CCDC178: variants seen among roughly 807,000 people sequenced by gnomAD.
The protein encoded by CCDC178 is coiled-coil domain containing 178.
In CCDC178, 126 loss-of-function variants were observed where a neutral mutation model predicts 117.4. That is an observed-to-expected ratio of 1.07 (90% CI 0.93 to 1.24). The LOEUF (loss-of-function observed/expected upper bound fraction) is 1.24, where lower values mean the gene tolerates loss of function less well. Ranked by LOEUF, CCDC178 falls within the 50% of genes most tolerant of loss-of-function variation. CCDC178 has a pLI of 0.00. For synonymous variants in CCDC178, 283 were observed against 313.4 expected (o/e 0.90, Z 1.02); for missense variants, 1,030 against 986.9 (o/e 1.04, Z -0.59).
intron 3 of CCDC178, 72 bp downstream of exon 3, chr18:33,411,959 C>A: frequency 1.3e-6 from 1 of 784,758 alleles, no homozygotes; most frequent in African/African-American, 1.8e-5. Flanking sequence ...CAGTTGCCCT[C>A]CTCTGTAAGT....
intron 5 of CCDC178, among the ~76,000 whole-genome samples, chr18:33,388,052 G>C (rs554334117): frequency 1.6e-4 from 24 of 151,998 alleles, no homozygotes; most frequent in Non-Finnish European, 1.5e-5. Context: ...AATGGGAAAA[G>C]GATATGAACA....
At chr18:33,182,554 G>T (rs186142877) in intron 20 of CCDC178, among the ~76,000 whole-genome samples, 168 of 151,982 alleles carry the variant, frequency 1.1e-3, no homozygotes, top group Admixed American at 3.4e-3. Context: ...TTGGTGCTGG[G>T]AGTTGAAATT....
At chr18:33,280,334 CAAAACACACATGAAA>C (rs1393143909) in intron 12 of CCDC178, among the ~76,000 whole-genome samples, 61 of 151,962 alleles carry the variant, frequency 4.0e-4, no homozygotes, top group African/African-American at 1.4e-3. Context: ...TTTATGCAGC[CAAAACACACATGAAA>C]AAATGCTCAT....
At chr18:33,278,074 T>C (rs557559806) in intron 12 of CCDC178, among the ~76,000 whole-genome samples, 29 of 152,102 alleles carry the variant, frequency 1.9e-4, no homozygotes, top group African/African-American at 6.5e-4. Flanking sequence ...TGCATCTAAA[T>C]GTTATTATCT....
chr18:33,204,628 G>A (rs963542399), intron 20 of CCDC178, among the ~76,000 whole-genome samples: 1 of 152,044 alleles, frequency 6.6e-6, no homozygotes, highest in African/African-American at 2.4e-5. Flanking sequence ...CATGAGTAAA[G>A]ACAACTTGGA....
chr18:33,238,852 A>G (rs114407600), intron 15 of CCDC178, among the ~76,000 whole-genome samples: 10 of 152,298 alleles, frequency 6.6e-5, no homozygotes, highest in African/African-American at 1.4e-4. Flanking sequence ...CCAAAGTCAA[A>G]GACAGAACAA....
intron 10 of CCDC178, among the ~76,000 whole-genome samples, chr18:33,326,662 T>G (rs2062588660): frequency 6.6e-6 from 1 of 152,096 alleles, no homozygotes; most frequent in Admixed American, 6.6e-5. Context: ...TGTATCTTGT[T>G]GTTTTTGGGT....
At chr18:33,291,589 TTTTACTATACTA>T (rs2060166385) in intron 12 of CCDC178, among the ~76,000 whole-genome samples, 1 of 152,152 alleles carries the variant, frequency 6.6e-6, no homozygotes, top group Non-Finnish European at 1.5e-5. Flanking sequence ...TATTATTTCC[TTTTACTATACTA>T]TTATTTATTT....
intron 2 of CCDC178, among the ~76,000 whole-genome samples, chr18:33,420,943 A>C (rs2064016323): frequency 6.6e-6 from 1 of 152,218 alleles, no homozygotes; most frequent in Non-Finnish European, 1.5e-5. Context: ...CTTAGAAAAT[A>C]TTTTGGACAA....
intron 21 of CCDC178, among the ~76,000 whole-genome samples, chr18:33,058,877 T>C (rs2056873410): frequency 6.6e-6 from 1 of 152,196 alleles, no homozygotes; most frequent in African/African-American, 2.4e-5. Flanking sequence ...ATAATTTATA[T>C]CTCACACAAT....
At chr18:33,423,628 T>C (rs536853869) in intron 2 of CCDC178, among the ~76,000 whole-genome samples, 2 of 152,302 alleles carry the variant, frequency 1.3e-5, no homozygotes, top group East Asian at 3.9e-4. Flanking sequence ...AAACACATGT[T>C]GGTGTGTGTG....
intron 8 of CCDC178, 116 bp from the exon 9 acceptor site, chr18:33,346,527 T>C (rs1040975562): frequency 1.3e-5 from 6 of 456,334 alleles, no homozygotes; most frequent in South Asian, 9.6e-5. Flanking sequence ...AAGAGAATGT[T>C]AGAAAAATGA....
chr18:33,399,764 A>T (rs542706804), intron 3 of CCDC178, among the ~76,000 whole-genome samples: 3 of 152,276 alleles, frequency 2.0e-5, no homozygotes, highest in Admixed American at 2.0e-4. Flanking sequence ...CATCCAGGAG[A>T]CTTGGAAGCA....
At chr18:33,261,162 C>T (rs186360273) in intron 14 of CCDC178, among the ~76,000 whole-genome samples, 118 of 152,164 alleles carry the variant, frequency 7.8e-4, no homozygotes, top group Non-Finnish European at 1.5e-3. Flanking sequence ...CGGCTCACTG[C>T]GAGCTCCGCC....
At chr18:33,296,489 TATACA>T (rs1208296439) in intron 11 of CCDC178, among the ~76,000 whole-genome samples, 1 of 152,138 alleles carries the variant, frequency 6.6e-6, no homozygotes, top group Non-Finnish European at 1.5e-5. Flanking sequence ...AAGTACAGTA[TATACA>T]ATACAAGATA....
chr18:33,327,201 G>A (rs111917744), intron 10 of CCDC178, among the ~76,000 whole-genome samples: 2 of 152,116 alleles, frequency 1.3e-5, no homozygotes, highest in Admixed American at 6.5e-5. Context: ...AATGAATTAC[G>A]CAATATGTGA....
intron 21 of CCDC178, 78 bp from the exon 22 acceptor site, chr18:32,974,759 G>A (rs1484738855): frequency 1.4e-6 from 2 of 1,421,574 alleles, no homozygotes; most frequent in Non-Finnish European, 1.9e-6. Context: ...GAAGAATGAT[G>A]GAGGGAAATA....
At chr18:33,137,385 C>A (rs1254400599) in intron 20 of CCDC178, among the ~76,000 whole-genome samples, 3 of 151,846 alleles carry the variant, frequency 2.0e-5, no homozygotes, top group Non-Finnish European at 4.4e-5. Flanking sequence ...AAAAGAATAC[C>A]CTTAAATAGG....
chr18:33,354,528 T>G (rs1442348597), intron 7 of CCDC178, among the ~76,000 whole-genome samples: 1 of 152,136 alleles, frequency 6.6e-6, no homozygotes, highest in Non-Finnish European at 1.5e-5. Context: ...AATTCACTGA[T>G]TATTCTGACT....
Sources: gnomAD v4.1 joint callset for allele counts (sites outside exome capture counted in the v4.1 genomes callset) on GRCh38, gnomAD v4.1.1 for gene constraint, MANE v1.5 for transcripts, NCBI Gene and HGNC (gene_info 2026-07-23, HGNC 2026-07-21) for gene names.